The following KIAA1328 variants were observed in gnomAD, a reference collection of about 807,000 sequenced individuals.
KIAA1328 encodes protein hinderin.
Under a neutral mutation model 68.1 loss-of-function variants are expected in KIAA1328, and 52 were observed. The ratio of observed to expected loss-of-function variants is 0.76; its 90% CI spans 0.61 to 0.96. KIAA1328 has a LOEUF of 0.96. KIAA1328 is among the 40% of genes least tolerant of loss of function. The pLI is 0.00. For synonymous variants in KIAA1328, 232 were observed against 239.4 expected, an observed-to-expected ratio of 0.97 and a Z score of 0.28; for missense variants, 641 against 677.6, an observed-to-expected ratio of 0.95 and a Z score of 0.60.
chr18:37,059,622 A>G (rs1424649986), intron 6 of KIAA1328, among the ~76,000 whole-genome samples: 2 of 152,216 alleles, frequency 1.3e-5, no homozygotes, highest in East Asian at 1.9e-4. Flanking sequence ...ATTGTGGAAG[A>G]CAGTGTGGCG....
intron 5 of KIAA1328, among the ~76,000 whole-genome samples, chr18:36,936,968 G>A (rs918581135): frequency 4.6e-5 from 7 of 152,218 alleles, no homozygotes; most frequent in Non-Finnish European, 7.4e-5. Context: ...ATACTACAAG[G>A]CTACAGTAAC....
At chr18:36,969,462 A>G (rs1473143801) in intron 6 of KIAA1328, among the ~76,000 whole-genome samples, 1 of 152,204 alleles carries the variant, frequency 6.6e-6, no homozygotes, top group East Asian at 1.9e-4. Context: ...GAATATTATC[A>G]CTGACCCCAC....
chr18:37,231,683 G>A (rs929260137), downstream of KIAA1328: 22 of 153,180 alleles, frequency 1.4e-4, no homozygotes, highest in African/African-American at 5.3e-4. Flanking sequence ...AGCCTTAACT[G>A]ACACCTCCTT....
intron 5 of KIAA1328, among the ~76,000 whole-genome samples, chr18:36,920,802 C>T (rs1251676317): frequency 6.6e-6 from 1 of 152,124 alleles, no homozygotes; most frequent in Non-Finnish European, 1.5e-5. Context: ...TGTTTCATTC[C>T]ATAAGTATAT....
At chr18:36,987,426 G>A (rs1217818711) in intron 6 of KIAA1328, among the ~76,000 whole-genome samples, 8 of 145,820 alleles carry the variant, frequency 5.5e-5, no homozygotes, top group Admixed American at 1.4e-4. Flanking sequence ...CATGGCACAT[G>A]TATACATATG....
rs80149272 is a variant in KIAA1328, at chr18:36,864,594, G to GTT, written c.332+20307_332+20308dup. On this transcript the variant is annotated intron_variant, in intron 4 of 9. Coordinates refer to ENST00000280020, the MANE Select transcript of KIAA1328 (RefSeq NM_020776.3). ...AATTTTTATATCAAAGTGGTCAGTAGTTTTTTTTTTTTTTTTGTACTGTCT... is the reference window on the plus strand; with the variant it reads ...AATTTTTATATCAAAGTGGTCAGTAGTTTTTTTTTTTTTTTTTTGTACTGTCT... 2.0e-3 allele frequency among the ~76,000 whole-genome samples: 263 copies of GTT among 129,824 alleles called. 7 individuals carry two copies. The highest frequency in any genetic ancestry group is 4.1e-3 in the Middle Eastern group (1 of 244). The allele number at this position is 129,824 out of a possible 152,430, so 85.2% of individuals were successfully genotyped here. A position where few individuals can be genotyped will look rare whatever the true frequency, so the allele number is the denominator to read the frequency against.
intron 7 of KIAA1328, among the ~76,000 whole-genome samples, chr18:37,093,337 A>G (rs957580673): frequency 6.6e-6 from 1 of 152,204 alleles, no homozygotes; most frequent in Non-Finnish European, 1.5e-5. Flanking sequence ...AGGGAACTCA[A>G]AATAATGATA....
At chr18:36,959,501 GTT>G (rs2051567592) in intron 6 of KIAA1328, 66 bp downstream of exon 6, 2 of 1,506,382 alleles carry the variant, frequency 1.3e-6, no homozygotes. Context: ...AGAGCCATTT[GTT>G]TTTTATCTTA....
rs563537576 is a variant in KIAA1328, at chr18:37,130,517, C to T, written c.1233-29683C>T. ...CCTGTAATCCCAGCTACTCAGGAGA[C>T]GGAGGCAGGAGAATGGCTTGAACCC... On this transcript the variant is annotated intron_variant, in intron 7 of 9. Coordinates refer to ENST00000280020, the MANE Select transcript of KIAA1328 (RefSeq NM_020776.3). Among the ~76,000 whole-genome samples the T allele has an allele frequency of 2.9e-4, 44 of 152,122 alleles. 1 individual carries two copies. Among genetic ancestry groups the T allele is most frequent in the South Asian group, 2.7e-3 (13 of 4,822 alleles).
chr18:37,212,432 CAT>C lies in KIAA1328; in HGVS notation c.1524-9583_1524-9582del, dbSNP rs1388651653. Among the ~76,000 whole-genome samples the C allele has an allele frequency of 2.6e-5, 4 of 152,062 alleles. No individual in the cohort carries two copies. In the South Asian group the frequency reaches 8.3e-4, roughly 32 times the overall value. On this transcript the variant is annotated intron_variant, in intron 9 of 9. Transcript: ENST00000280020. Reference sequence around the variant, plus strand: ...TAGGACTTGAGGGCAGGGCCAATAACATAACTTGCCAGACCAGTGTAAAATGA... The same window carrying C: ...TAGGACTTGAGGGCAGGGCCAATAACAACTTGCCAGACCAGTGTAAAATGA...
At chr18:37,080,962 C>T (rs897943226) in intron 7 of KIAA1328, among the ~76,000 whole-genome samples, 9 of 151,580 alleles carry the variant, frequency 5.9e-5, no homozygotes, top group African/African-American at 1.9e-4. Flanking sequence ...GAAACAGAGA[C>T]TCAAGACATA....
chr18:36,976,094 CTG>C (rs1174964283), intron 6 of KIAA1328, among the ~76,000 whole-genome samples: 1 of 152,214 alleles, frequency 6.6e-6, no homozygotes, highest in Non-Finnish European at 1.5e-5. Context: ...ACTGTCCTGT[CTG>C]TGCATTGTCC....
At chr18:37,173,195 G>C in intron 9 of KIAA1328, 114 bp downstream of exon 9, 2 of 734,438 alleles carry the variant, frequency 2.7e-6, no homozygotes. Context: ...TCTTTCTCAA[G>C]AGAGGTCCTT....
intron 7 of KIAA1328, among the ~76,000 whole-genome samples, chr18:37,143,580 A>G (rs1056721870): frequency 6.6e-5 from 9 of 136,032 alleles, no homozygotes; most frequent in Non-Finnish European, 1.1e-4. Context: ...AAACAATATG[A>G]AAGTGTTAAA....
chr18:36,860,421 C>T (rs576532389), intron 4 of KIAA1328, among the ~76,000 whole-genome samples: 2 of 151,800 alleles, frequency 1.3e-5, no homozygotes, highest in Non-Finnish European at 2.9e-5. Flanking sequence ...GTGTTTGACT[C>T]TATATTTATT....
chr18:37,220,632 A>C (rs1351418001), intron 9 of KIAA1328, among the ~76,000 whole-genome samples: 1 of 152,206 alleles, frequency 6.6e-6, no homozygotes, highest in Non-Finnish European at 1.5e-5. Flanking sequence ...TAATGCTAGC[A>C]GTTCCTATCC....
intron 5 of KIAA1328, chr18:36,903,658 A>G (rs1352385341): frequency 6.6e-6 from 1 of 152,196 alleles, no homozygotes; most frequent in Non-Finnish European, 1.5e-5. Flanking sequence ...AGTAAATAAT[A>G]GTATTCATTC....
At chr18:37,061,159 G>T (rs2056132714) in intron 6 of KIAA1328, among the ~76,000 whole-genome samples, 2 of 152,110 alleles carry the variant, frequency 1.3e-5, no homozygotes, top group African/African-American at 2.4e-5. Flanking sequence ...TAAAAAGGAT[G>T]CACTATTTAT....
At chr18:37,041,797 A>G (rs1286345629) in intron 6 of KIAA1328, among the ~76,000 whole-genome samples, 1 of 152,214 alleles carries the variant, frequency 6.6e-6, no homozygotes. Context: ...GTGAATACCA[A>G]CAGTATTCCA....
Sources: allele counts gnomAD v4.1 joint callset (sites outside exome capture counted in the v4.1 genomes callset), GRCh38; gene constraint gnomAD v4.1.1; transcripts MANE v1.5; gene names NCBI Gene and HGNC (gene_info 2026-07-23, HGNC 2026-07-21).